PRKN: variants seen among roughly 807,000 people sequenced by gnomAD.
PRKN encodes E3 ubiquitin-protein ligase parkin.
PRKN carries 56 observed loss-of-function variants against 59.5 expected under a neutral mutation model. That is an observed-to-expected ratio of 0.94 (90% CI 0.76 to 1.18). The LOEUF is 1.18. PRKN is among the 50% of genes most tolerant of loss of function. The pLI is 0.00. For synonymous variants in PRKN, 250 were observed against 222.1 expected, an observed-to-expected ratio of 1.13 and a Z score of -1.12; for missense variants, 657 against 596.4, an observed-to-expected ratio of 1.10 and a Z score of -1.06.
At chr6:161,591,234 A>C (rs1432850660) in intron 7 of PRKN, among the ~76,000 whole-genome samples, 3 of 152,228 alleles carry the variant, frequency 2.0e-5, no homozygotes, top group Non-Finnish European at 4.4e-5. Context: ...AATGTATGAA[A>C]AATTCTTTCT....
At chr6:161,928,370 C>G (rs1261385316) in intron 6 of PRKN, among the ~76,000 whole-genome samples, 1 of 152,146 alleles carries the variant, frequency 6.6e-6, no homozygotes, top group African/African-American at 2.4e-5. Context: ...AAATAAAGCA[C>G]AGCTTTGAAA....
At chr6:162,180,276 T>C (rs976588719) in intron 4 of PRKN, among the ~76,000 whole-genome samples, 2 of 152,086 alleles carry the variant, frequency 1.3e-5, no homozygotes, top group African/African-American at 2.4e-5. Flanking sequence ...TAATCGTACA[T>C]TTAAACTTAA....
At chr6:162,408,009 T>G (rs1173759421) in intron 2 of PRKN, among the ~76,000 whole-genome samples, 1 of 152,078 alleles carries the variant, frequency 6.6e-6, no homozygotes, top group Non-Finnish European at 1.5e-5. Flanking sequence ...TATTATCCAG[T>G]AGGATAATAA....
chr6:162,366,672 G>T (rs989697042), intron 2 of PRKN, among the ~76,000 whole-genome samples: 1 of 152,046 alleles, frequency 6.6e-6, no homozygotes, highest in African/African-American at 2.4e-5. Flanking sequence ...TTGGGAGGCC[G>T]AGGTGGGTGG....
At chr6:162,491,437 C>T (rs7758619) in intron 1 of PRKN, among the ~76,000 whole-genome samples, 48,239 of 152,094 alleles carry the variant, frequency 0.32, 7,962 homozygotes, top group East Asian at 0.49. Flanking sequence ...GGTGACGCAC[C>T]AGGTGTGCGT....
intron 7 of PRKN, among the ~76,000 whole-genome samples, chr6:161,682,440 A>C (rs1029265621): frequency 6.6e-6 from 1 of 152,212 alleles, no homozygotes; most frequent in African/African-American, 2.4e-5. Context: ...GAACTCACCA[A>C]AACATGTACA....
chr6:161,846,465 T>C (rs1381186270), intron 6 of PRKN, among the ~76,000 whole-genome samples: 2 of 152,214 alleles, frequency 1.3e-5, no homozygotes, highest in Non-Finnish European at 1.5e-5. Flanking sequence ...CGCATATTTA[T>C]TGAGCACCTG....
intron 1 of PRKN, among the ~76,000 whole-genome samples, chr6:162,548,052 TTTTTTG>T (rs71544937): frequency 0.26 from 38,614 of 151,298 alleles, 6,099 homozygotes; most frequent in Non-Finnish European, 0.36. Context: ...CCTCTCTGAG[TTTTTTG>T]TTTTTGTTTT....
rs913210132 is a variant in PRKN, at chr6:161,395,378, C to T, written c.1084-8501G>A. On this transcript the variant is annotated intron_variant, in intron 9 of 11. Transcript: ENST00000366898. This position sits in a 1 kb window ranked among gnomAD's most constrained non-coding sequence, Gnocchi z 5.0. Reference sequence around the variant, plus strand: ...CCTTCGTTCATTTCACCAGCCCCTCCGATCAGCATTTAGGTCCTTCCAATA... The same window carrying T: ...CCTTCGTTCATTTCACCAGCCCCTCTGATCAGCATTTAGGTCCTTCCAATA... 3.9e-5 allele frequency among the ~76,000 whole-genome samples: 6 copies of T among 152,148 alleles called. No homozygotes were observed. Among genetic ancestry groups the T allele is most frequent in the African/African-American group, 9.7e-5 (4 of 41,418 alleles).
At chr6:161,697,395 T>G (rs1459330942) in intron 7 of PRKN, among the ~76,000 whole-genome samples, 1 of 152,220 alleles carries the variant, frequency 6.6e-6, no homozygotes, top group Non-Finnish European at 1.5e-5. Flanking sequence ...TTTCTCTATG[T>G]AGCAACTGTG....
In PRKN at chr6:161,915,947, G is replaced by A. The variant is rs140793073; in HGVS notation, c.734+57355C>T. On this transcript the variant is annotated intron_variant, in intron 6 of 11. Transcript: ENST00000366898. ...AAATTGGAAGGATGATCATGGCTGC[G>A]AGGCTACAGTTATGACTAAACAACC... is the stretch of plus-strand genomic sequence containing the variant. 2.6e-5 allele frequency among the ~76,000 whole-genome samples: 4 copies of A among 152,178 alleles called. No homozygotes were observed. In the East Asian group the frequency reaches 5.8e-4, roughly 22 times the overall value.
rs1042249661 is a variant in PRKN, at chr6:161,461,409, C to A, written c.1084-74532G>T. On this transcript the variant is annotated intron_variant, in intron 9 of 11. Transcript: ENST00000366898. The surrounding 1 kb of genome is among the most constrained non-coding windows in gnomAD (Gnocchi z 5.1). ...GAGGTTTTTAAGCTCTAGGGAATCA[C>A]TTTATGGGGGGTGTTATGAGCATAT... Among the ~76,000 whole-genome samples the A allele has an allele frequency of 6.6e-6, 1 of 151,890 alleles. No homozygotes were observed. The highest frequency in any genetic ancestry group is 2.4e-5 in the African/African-American group (1 of 41,324).
At chr6:162,131,231 G>A (rs1007578338) in intron 4 of PRKN, among the ~76,000 whole-genome samples, 1 of 152,128 alleles carries the variant, frequency 6.6e-6, no homozygotes. Context: ...GAGATCACAT[G>A]ATGACACCCT....
At position 162,472,354 on chromosome 6, in the gene PRKN, C is replaced by T. The variant is rs1183170878; in HGVS notation, c.8-28881G>A. Among the ~76,000 whole-genome samples the T allele has an allele frequency of 3.0e-5, 4 of 131,656 alleles. No homozygotes were observed. The South Asian group carries it at 1.1e-3, about 37-fold the overall frequency. 86.4% of individuals were successfully genotyped at this position (131,656 alleles called of 152,430 possible). A position where few individuals can be genotyped will look rare whatever the true frequency, so the allele number is the denominator to read the frequency against. On this transcript the variant is annotated intron_variant, in intron 1 of 11. Transcript: ENST00000366898. ...TATCTCCTAATGCTACCCCTCCCCC[C>T]ACCCCCCACCCCAAGACAGGTGTGA...
intron 4 of PRKN, among the ~76,000 whole-genome samples, chr6:162,113,697 C>T (rs372393041): frequency 6.6e-6 from 1 of 152,106 alleles, no homozygotes; most frequent in Admixed American, 6.6e-5. Flanking sequence ...CCCAGGACAG[C>T]GTAGTAGTTA....
chr6:162,659,221 T>C (rs186206174), intron 1 of PRKN, among the ~76,000 whole-genome samples: 121 of 152,318 alleles, frequency 7.9e-4, no homozygotes, highest in African/African-American at 2.8e-3. Context: ...TTTTACACTT[T>C]ATGCCTTTTT....
intron 7 of PRKN, among the ~76,000 whole-genome samples, chr6:161,597,064 A>C (rs1781940939): frequency 6.6e-6 from 1 of 152,180 alleles, no homozygotes; most frequent in Non-Finnish European, 1.5e-5. Context: ...ACCTAGAGAG[A>C]AATTCAAAAG....
intron 1 of PRKN, among the ~76,000 whole-genome samples, chr6:162,631,707 G>A (rs986915352): frequency 5.9e-5 from 9 of 151,982 alleles, no homozygotes; most frequent in Admixed American, 1.3e-4. Flanking sequence ...AGTCCCACTT[G>A]TTTATTTTTG....
chr6:162,401,587 A>G (rs182400503), intron 2 of PRKN, among the ~76,000 whole-genome samples: 119 of 152,326 alleles, frequency 7.8e-4, no homozygotes, highest in African/African-American at 2.5e-3. Context: ...TGGGTAGTTC[A>G]ATTACGGTTC....
Sources: gnomAD v4.1 joint callset for allele counts (sites outside exome capture counted in the v4.1 genomes callset) on GRCh38, gnomAD v4.1.1 for gene constraint, Gnocchi (gnomAD v3.1) non-coding constraint, MANE v1.5 for transcripts, NCBI Gene and HGNC (gene_info 2026-07-23, HGNC 2026-07-21) for gene names.